The following CA10 variants were observed in gnomAD, a reference collection of about 807,000 sequenced individuals.
The protein encoded by CA10 is carbonic anhydrase-related protein 10.
Under a neutral mutation model 44.2 loss-of-function variants are expected in CA10, and 14 were observed. The ratio of observed to expected loss-of-function variants is 0.32; its 90% CI spans 0.21 to 0.50. The LOEUF is 0.50. Among genes scored for constraint, CA10 ranks in the 20% least tolerant of loss-of-function variants. The probability of loss-of-function intolerance (pLI) is 0.99; values close to 1 mark genes in which losing one functional copy is unlikely to be tolerated. For missense variants in CA10, 350 were observed against 409.7 expected, an observed-to-expected ratio of 0.85 and a Z score of 1.26; for synonymous variants, 159 against 141.6, an observed-to-expected ratio of 1.12 and a Z score of -0.87.
intron 1 of CA10, among the ~76,000 whole-genome samples, chr17:52,090,892 C>T (rs1448435298): frequency 1.3e-5 from 2 of 151,912 alleles, no homozygotes; most frequent in African/African-American, 2.4e-5. Context: ...AAGTGGATAC[C>T]CCAGGGAAGT....
At chr17:51,982,586 A>G (rs1159092636) in intron 2 of CA10, among the ~76,000 whole-genome samples, 1 of 151,866 alleles carries the variant, frequency 6.6e-6, no homozygotes, top group African/African-American at 2.4e-5. Flanking sequence ...GACCATTCCA[A>G]ACTGTGTCTA....
chr17:51,655,250 G>A (rs1229022122), intron 4 of CA10, among the ~76,000 whole-genome samples: 3 of 152,124 alleles, frequency 2.0e-5, no homozygotes, highest in Non-Finnish European at 2.9e-5. Context: ...TGGCTTTCGT[G>A]TTGTTTCCAT....
chr17:52,066,820 T>C (rs531153344), intron 2 of CA10, among the ~76,000 whole-genome samples: 14 of 152,312 alleles, frequency 9.2e-5, no homozygotes, highest in African/African-American at 3.4e-4. Context: ...CCCAGAGATC[T>C]GTGGAGCTTT....
At chr17:51,662,951 G>A (rs908510026) in intron 4 of CA10, among the ~76,000 whole-genome samples, 1 of 152,150 alleles carries the variant, frequency 6.6e-6, no homozygotes, top group Non-Finnish European at 1.5e-5. Context: ...ATATTTGGGT[G>A]CAGGATCATG....
chr17:52,128,075 T>C (rs1335350284), intron 1 of CA10, among the ~76,000 whole-genome samples: 1 of 152,200 alleles, frequency 6.6e-6, no homozygotes, highest in African/African-American at 2.4e-5. Context: ...TATTAAGACA[T>C]AGAGCAGAAA....
intron 3 of CA10, among the ~76,000 whole-genome samples, chr17:51,920,693 C>T (rs1982195519): frequency 6.6e-6 from 1 of 152,168 alleles, no homozygotes; most frequent in Admixed American, 6.5e-5. Context: ...CAGCCAAGAT[C>T]TAAACTCAGC....
intron 3 of CA10, among the ~76,000 whole-genome samples, chr17:51,825,891 T>C (rs1255030680): frequency 1.3e-5 from 2 of 152,224 alleles, no homozygotes; most frequent in African/African-American, 4.8e-5. Context: ...AGATAGGACT[T>C]CTGTATCAAT....
chr17:51,810,385 T>A (rs1480214980), intron 3 of CA10, among the ~76,000 whole-genome samples: 1 of 152,104 alleles, frequency 6.6e-6, no homozygotes, highest in Non-Finnish European at 1.5e-5. Context: ...TGGACAGGAA[T>A]GGGGCATGGA....
chr17:51,776,179 G>A (rs534700270), intron 3 of CA10, among the ~76,000 whole-genome samples: 1 of 152,194 alleles, frequency 6.6e-6, no homozygotes, highest in East Asian at 1.9e-4. Flanking sequence ...GACCAACGTG[G>A]CAAAAGCCTG....
chr17:51,675,241 T>C (rs973131303), intron 4 of CA10, among the ~76,000 whole-genome samples: 1 of 152,154 alleles, frequency 6.6e-6, no homozygotes, highest in South Asian at 2.1e-4. Flanking sequence ...CTGAGCAATG[T>C]GAATGGGATC....
At chr17:51,820,368 G>C (rs1359866658) in intron 3 of CA10, among the ~76,000 whole-genome samples, 1 of 145,380 alleles carries the variant, frequency 6.9e-6, no homozygotes, top group Non-Finnish European at 1.5e-5. Context: ...ATCTTCTGAA[G>C]GCAATGAACT....
At chr17:52,157,209 A>G (rs1475904448) in intron 1 of CA10, among the ~76,000 whole-genome samples, 1 of 152,130 alleles carries the variant, frequency 6.6e-6, no homozygotes, top group Non-Finnish European at 1.5e-5. Context: ...CATCACAATC[A>G]GTCCTGATGT....
chr17:51,908,568 ATCT>A (rs1214737680), intron 3 of CA10, among the ~76,000 whole-genome samples: 3 of 150,308 alleles, frequency 2.0e-5, no homozygotes, highest in African/African-American at 7.4e-5. Flanking sequence ...TCAACTCCAC[ATCT>A]TCTTATTCTT....
intron 2 of CA10, among the ~76,000 whole-genome samples, chr17:52,019,422 T>A (rs1447371813): frequency 6.6e-6 from 1 of 152,138 alleles, no homozygotes; most frequent in Non-Finnish European, 1.5e-5. Context: ...CTTTGACTGA[T>A]TCACCCTCTC....
intron 3 of CA10, among the ~76,000 whole-genome samples, chr17:51,845,740 G>A (rs574450415): frequency 3.5e-4 from 53 of 152,278 alleles, no homozygotes; most frequent in African/African-American, 1.3e-3. Context: ...AGGATAAAAA[G>A]TGGGCTTCTT....
intron 4 of CA10, among the ~76,000 whole-genome samples, chr17:51,656,219 A>T (rs1458006455): frequency 6.6e-6 from 1 of 152,182 alleles, no homozygotes; most frequent in Non-Finnish European, 1.5e-5. Flanking sequence ...TTCTGAACAG[A>T]GGAGGGACAT....
chr17:51,683,164 CA>C (rs1914899461), intron 4 of CA10, among the ~76,000 whole-genome samples: 1 of 152,200 alleles, frequency 6.6e-6, no homozygotes, highest in South Asian at 2.1e-4. Context: ...AAACCCTTTT[CA>C]TGGCTTCATG....
At position 51,684,498 on chromosome 17, in the gene CA10, T is replaced by C. The variant is rs1177074914; in HGVS notation, c.466-30762A>G. Among the ~76,000 whole-genome samples, 3 of 152,200 alleles carry C rather than the reference T, an allele frequency of 2.0e-5. No homozygotes were observed. In the East Asian group the frequency reaches 5.8e-4, roughly 29 times the overall value. On this transcript the variant is annotated intron_variant, in intron 4 of 8. Coordinates refer to ENST00000451037, the MANE Select transcript of CA10 (RefSeq NM_020178.5). ...GCAGGGCACCTAGCATCTGATTAAG[T>C]ACTAAGTGCCAGCCTCCCAAATCAT...
intron 1 of CA10, among the ~76,000 whole-genome samples, chr17:52,093,812 A>G (rs1988331739): frequency 6.6e-6 from 1 of 152,198 alleles, no homozygotes; most frequent in African/African-American, 2.4e-5. Context: ...TTTTGCAAGT[A>G]TATCTTGTTT....
Sources: allele counts gnomAD v4.1 joint callset (sites outside exome capture counted in the v4.1 genomes callset), GRCh38; gene constraint gnomAD v4.1.1; transcripts MANE v1.5; gene names NCBI Gene and HGNC (gene_info 2026-07-23, HGNC 2026-07-21).